The following MID2 variants were observed in gnomAD, a reference collection of about 807,000 sequenced individuals.
MID2 encodes the protein midline 2, also known as probable E3 ubiquitin-protein ligase MID2.
A neutral mutation model predicts 46.1 loss-of-function variants in MID2; 13 were observed. The ratio of observed to expected loss-of-function variants is 0.28; its 90% CI spans 0.18 to 0.45. The LOEUF (loss-of-function observed/expected upper bound fraction) is 0.45. MID2 is among the 20% of genes least tolerant of loss of function. The pLI is 1.00. For missense variants in MID2, 431 were observed against 575.4 expected, an observed-to-expected ratio of 0.75 and a Z score of 2.57; for synonymous variants, 199 against 212.3, an observed-to-expected ratio of 0.94 and a Z score of 0.55.
intron 3 of MID2, among the ~76,000 whole-genome samples, chrX:107,890,144 TG>T (rs1304532510): frequency 1.8e-5 from 2 of 112,595 alleles, no homozygotes; most frequent in African/African-American, 6.5e-5. Context: ...CATCCAGCTT[TG>T]TTCTGTTGCT....
intron 7 of MID2, among the ~76,000 whole-genome samples, chrX:107,919,436 C>G (rs1933028656): frequency 9.0e-6 from 1 of 111,666 alleles, no homozygotes; most frequent in Non-Finnish European, 1.9e-5. Context: ...ACCAATTAGT[C>G]CTAGTTCTGA....
At chrX:107,829,847 T>A (rs1226490654) in intron 1 of MID2, among the ~76,000 whole-genome samples, 1 of 112,286 alleles carries the variant, frequency 8.9e-6, no homozygotes, top group African/African-American at 3.2e-5. Context: ...TGGGAAGTAC[T>A]CCTGTAAATC....
chrX:107,867,977 G>T lies in MID2; in HGVS notation c.816+13273G>T, dbSNP rs1323176695. On this transcript the variant is annotated intron_variant, in intron 3 of 9. Coordinates refer to ENST00000262843, the MANE Select transcript of MID2 (RefSeq NM_012216.4). ...AATTTCAGGAGAGAGACTTAGGATA[G>T]ACATAAATATAATTAAGGCAAATGG... Among the ~76,000 whole-genome samples, 7 of 111,560 alleles carry T rather than the reference G, an allele frequency of 6.3e-5. No homozygotes were observed. In the East Asian group the frequency reaches 2.0e-3, roughly 31 times the overall value.
Position 107,929,512 on chromosome X carries a change from A to G in MID2, c.*2439A>G, listed in dbSNP as rs1231585106. On this transcript the variant is annotated 3_prime_UTR_variant, in exon 10 of 10. Transcript: ENST00000262843. ...TATTCTCTGGGCCTGCAGCAGAAAC[A>G]TGATTAACAATTTTAATGCCCAGAG... is the stretch of plus-strand genomic sequence containing the variant. Among the ~76,000 whole-genome samples the G allele has an allele frequency of 1.8e-5, 2 of 111,948 alleles. No homozygotes were observed. The highest frequency in any genetic ancestry group is 3.8e-5 in the Non-Finnish European group (2 of 53,132).
chrX:107,922,612 T>C (rs1486357353), intron 7 of MID2, among the ~76,000 whole-genome samples: 1 of 112,106 alleles, frequency 8.9e-6, no homozygotes, highest in African/African-American at 3.2e-5. Context: ...CATGAATTTT[T>C]TATTTATCTT....
intron 5 of MID2, among the ~76,000 whole-genome samples, chrX:107,906,735 A>G (rs1461554808): frequency 1.8e-5 from 2 of 111,401 alleles, no homozygotes; most frequent in East Asian, 5.7e-4. Context: ...ATAGGCATGC[A>G]CCACCATGCC....
rs933571780 is a variant in MID2, at chrX:107,927,243, A to C, written c.*170A>C. On this transcript the variant is annotated 3_prime_UTR_variant, in exon 10 of 10. Transcript: ENST00000262843. The stretch of plus-strand genomic sequence containing the variant: ...GTGCATTAAAGCTTGTATTTGAATT[A>C]ATTTATTGAGTTTTTCAGAACAAAT... 1.4e-5 allele frequency: 6 copies of C among 421,538 alleles called. No individual in the cohort carries two copies. In the African/African-American group the frequency reaches 1.5e-4, roughly 11 times the overall value. 34.7% of individuals were successfully genotyped at this position (421,538 alleles called of 1,213,427 possible).
At chrX:107,846,830 C>T (rs1477513709) in intron 2 of MID2, among the ~76,000 whole-genome samples, 5 of 112,033 alleles carry the variant, frequency 4.5e-5, no homozygotes, top group Admixed American at 2.8e-4. Flanking sequence ...GTTTTCTCTT[C>T]ACCAATATTT....
At chrX:107,884,387 CT>C (rs1932399207) in intron 3 of MID2, among the ~76,000 whole-genome samples, 1 of 112,462 alleles carries the variant, frequency 8.9e-6, no homozygotes, top group African/African-American at 3.2e-5. Context: ...ACCTTTGTCT[CT>C]GTTATCTCAT....
intron 2 of MID2, among the ~76,000 whole-genome samples, chrX:107,847,188 A>G (rs1000978591): frequency 8.9e-6 from 1 of 112,455 alleles, no homozygotes; most frequent in African/African-American, 3.2e-5. Context: ...ATTAATGAAC[A>G]TTCACTTTGT....
rs762233138 is a variant in MID2 at position 107,919,769 on chromosome X, CT to C, written c.1435+2038del. Among the ~76,000 whole-genome samples, 6 of 111,092 alleles carry C rather than the reference CT, an allele frequency of 5.4e-5. No individual in the cohort carries two copies. The East Asian group carries it at 1.1e-3, about 21-fold the overall frequency. ...TAGCTGATTCCCAATTGCCCTGTACCTTTTTTTTCAGCAGCCACTTTGACTA... is the reference window on the plus strand; with the variant it reads ...TAGCTGATTCCCAATTGCCCTGTACCTTTTTTTCAGCAGCCACTTTGACTA... On this transcript the variant is annotated intron_variant, in intron 7 of 9. Coordinates refer to ENST00000262843, the MANE Select transcript of MID2 (RefSeq NM_012216.4).
At position 107,923,737 on chromosome X, in the gene MID2, G is replaced by C. The variant is rs1933115877; in HGVS notation, c.1436-606G>C. Among the ~76,000 whole-genome samples the C allele has an allele frequency of 2.7e-5, 3 of 111,670 alleles. No homozygotes were observed. The South Asian group carries it at 1.1e-3, about 42-fold the overall frequency. ...TACCTTGCAGAGACAAAAGAACATTGTTGTTCACCCCATGAACTGTGATGT... is the reference window on the plus strand; with the variant it reads ...TACCTTGCAGAGACAAAAGAACATTCTTGTTCACCCCATGAACTGTGATGT... On this transcript the variant is annotated intron_variant, in intron 7 of 9. Transcript: ENST00000262843.
At chrX:107,865,113 A>G (rs973261501) in intron 3 of MID2, among the ~76,000 whole-genome samples, 2 of 112,014 alleles carry the variant, frequency 1.8e-5, no homozygotes, top group African/African-American at 6.5e-5. Context: ...TTTGCATCCA[A>G]TTTTACTGAG....
At chrX:107,887,321 T>A (rs1932476130) in intron 3 of MID2, among the ~76,000 whole-genome samples, 1 of 111,758 alleles carries the variant, frequency 8.9e-6, no homozygotes, top group Admixed American at 9.5e-5. Context: ...TTCTTGAGAG[T>A]TTTTAGCATG....
At chrX:107,880,653 T>C (rs1415117466) in intron 3 of MID2, among the ~76,000 whole-genome samples, 1 of 112,376 alleles carries the variant, frequency 8.9e-6, no homozygotes, top group Non-Finnish European at 1.9e-5. Flanking sequence ...ACTGGGGAAA[T>C]TGCATATTTT....
At chrX:107,846,234 T>C (rs972272905) in intron 2 of MID2, among the ~76,000 whole-genome samples, 2 of 111,466 alleles carry the variant, frequency 1.8e-5, no homozygotes, top group African/African-American at 6.5e-5. Flanking sequence ...AGAAAAATCT[T>C]CAATGGAGGC....
intron 3 of MID2, among the ~76,000 whole-genome samples, chrX:107,884,161 A>C (rs191510064): frequency 1.5e-4 from 17 of 112,254 alleles, no homozygotes; most frequent in Admixed American, 1.9e-4. Context: ...GGAGTTTATC[A>C]GTTGTAAATG....
At chrX:107,847,510 C>T (rs1217858047) in intron 2 of MID2, among the ~76,000 whole-genome samples, 1 of 111,598 alleles carries the variant, frequency 9.0e-6, no homozygotes, top group East Asian at 2.8e-4. Flanking sequence ...GATTATACAC[C>T]ATGAAGAGAA....
At chrX:107,859,706 G>A (rs988851422) in intron 3 of MID2, among the ~76,000 whole-genome samples, 23 of 112,327 alleles carry the variant, frequency 2.0e-4, no homozygotes, top group African/African-American at 7.4e-4. Flanking sequence ...AAAGGCTGCA[G>A]AATGGAAAAA....
Sources: gnomAD v4.1 joint callset for allele counts (sites outside exome capture counted in the v4.1 genomes callset) on GRCh38, gnomAD v4.1.1 for gene constraint, MANE v1.5 for transcripts, NCBI Gene and HGNC (gene_info 2026-07-23, HGNC 2026-07-21) for gene names.